NDRG3: variants seen among roughly 807,000 people sequenced by gnomAD.
NDRG3 encodes the protein NDRG family member 3.
In NDRG3, 23 loss-of-function variants were observed where a neutral mutation model predicts 57.2. The observed-to-expected ratio is 0.40, with a 90% confidence interval of 0.29 to 0.57. NDRG3 has a LOEUF of 0.57. Among genes scored for constraint, NDRG3 ranks in the 20% least tolerant of loss-of-function variants. NDRG3 has a pLI of 0.42. For missense variants in NDRG3, 384 were observed against 457.3 expected (o/e 0.84, Z 1.46); for synonymous variants, 132 against 162.6 (o/e 0.81, Z 1.43).
intron 3 of NDRG3, among the ~76,000 whole-genome samples, chr20:36,690,541 C>T (rs1328430051): frequency 1.5e-5 from 1 of 66,026 alleles, no homozygotes; most frequent in African/African-American, 7.5e-5. Flanking sequence ...ATAGAGCAGA[C>T]AAAAGATGCA....
At chr20:36,665,377 A>G (rs1600860630) in intron 10 of NDRG3, 76 bp from the exon 11 acceptor site, 7 of 1,266,636 alleles carry the variant, frequency 5.5e-6, no homozygotes, top group East Asian at 2.3e-5. Flanking sequence ...GGTCATAAAC[A>G]CCAAAATTTA....
intron 1 of NDRG3, among the ~76,000 whole-genome samples, chr20:36,730,929 T>A (rs1413206205): frequency 7.3e-6 from 1 of 137,102 alleles, no homozygotes; most frequent in South Asian, 2.3e-4. Context: ...CAGAGGGAGA[T>A]GCTGTCTCGA....
intron 8 of NDRG3, among the ~76,000 whole-genome samples, chr20:36,675,816 G>A (rs1224963254): frequency 2.0e-5 from 3 of 151,984 alleles, no homozygotes; most frequent in South Asian, 2.1e-4. Context: ...ATAAACCACC[G>A]TGCCCAGCCA....
chr20:36,696,169 T>G (rs1982770708), intron 3 of NDRG3, among the ~76,000 whole-genome samples: 1 of 152,036 alleles, frequency 6.6e-6, no homozygotes, highest in South Asian at 2.1e-4. Context: ...TGATCTCGGC[T>G]CACTGCAACC....
chr20:36,703,237 G>A (rs1180516644), intron 3 of NDRG3, among the ~76,000 whole-genome samples: 1 of 151,762 alleles, frequency 6.6e-6, no homozygotes, highest in East Asian at 1.9e-4. Context: ...TACTACACGT[G>A]TATATATGTA....
intron 1 of NDRG3, among the ~76,000 whole-genome samples, chr20:36,725,017 C>T (rs1056758235): frequency 6.6e-6 from 1 of 152,020 alleles, no homozygotes; most frequent in Non-Finnish European, 1.5e-5. Flanking sequence ...GAAAATCGGC[C>T]GGGCGCAGTG....
chr20:36,653,242 TGGG>T lies in NDRG3; in HGVS notation c.*275_*277del, dbSNP rs1267085115. On this transcript the variant is annotated 3_prime_UTR_variant, in exon 16 of 16. Transcript: ENST00000349004. This position sits in a 1 kb window ranked among gnomAD's most constrained non-coding sequence, Gnocchi z 4.2. ...CAAAGAATCTTATCTGATACATAGT[TGGG>T]GGAGCACGGGAAAAAGCTGGCAAGA... is the stretch of plus-strand genomic sequence containing the variant. 1 of 328,020 alleles carries T rather than the reference TGGG, an allele frequency of 3.0e-6. No homozygotes were observed. The highest frequency in any genetic ancestry group is 4.6e-5 in the Admixed American group (1 of 21,940). 20.3% of individuals were successfully genotyped at this position (328,020 alleles called of 1,614,324 possible). A position where few individuals can be genotyped will look rare whatever the true frequency, so the allele number is the denominator to read the frequency against.
intron 1 of NDRG3, among the ~76,000 whole-genome samples, chr20:36,726,020 A>C (rs531253634): frequency 2.6e-5 from 4 of 151,470 alleles, no homozygotes; most frequent in Admixed American, 2.6e-4. Context: ...CCCAGCCTCA[A>C]GCAATCCTCC....
chr20:36,687,458 G>A, intron 5 of NDRG3, 34 bp downstream of exon 5: 1 of 1,607,580 alleles, frequency 6.2e-7, no homozygotes, highest in Non-Finnish European at 8.5e-7. Flanking sequence ...TCTACTGAGT[G>A]CACGTCTCCC....
At chr20:36,726,615 G>A (rs1183569655) in intron 1 of NDRG3, among the ~76,000 whole-genome samples, 1 of 152,196 alleles carries the variant, frequency 6.6e-6, no homozygotes, top group Non-Finnish European at 1.5e-5. Context: ...TCCGGCATCT[G>A]TACAAATGGT....
chr20:36,676,157 G>A (rs1233059644), intron 8 of NDRG3, among the ~76,000 whole-genome samples: 8 of 151,888 alleles, frequency 5.3e-5, no homozygotes, highest in Admixed American at 3.3e-4. Flanking sequence ...GGAGAATGGC[G>A]TGAACCCGGG....
chr20:36,681,669 C>T (rs1330568328), intron 7 of NDRG3, among the ~76,000 whole-genome samples: 1 of 151,044 alleles, frequency 6.6e-6, no homozygotes, highest in African/African-American at 2.4e-5. Context: ...ATAATAGGAG[C>T]TCTAGCTCTC....
intron 3 of NDRG3, among the ~76,000 whole-genome samples, chr20:36,694,138 G>C (rs372096786): frequency 6.6e-6 from 1 of 152,114 alleles, no homozygotes; most frequent in Non-Finnish European, 1.5e-5. Context: ...GGCTGAGGAC[G>C]AGGAGGAACA....
At chr20:36,671,583 A>C (rs113395072) in intron 8 of NDRG3, among the ~76,000 whole-genome samples, 186 bp from the exon 9 acceptor site, 1 of 152,142 alleles carries the variant, frequency 6.6e-6, no homozygotes, top group Non-Finnish European at 1.5e-5. Context: ...CGGGCAGATC[A>C]TGAGGTCAGG....
At chr20:36,713,561 C>T (rs1568661033) in intron 2 of NDRG3, among the ~76,000 whole-genome samples, 1 of 152,018 alleles carries the variant, frequency 6.6e-6, no homozygotes, top group Non-Finnish European at 1.5e-5. Context: ...ACAGAAGCAA[C>T]AGACATAATG....
intron 8 of NDRG3, among the ~76,000 whole-genome samples, chr20:36,679,027 C>T (rs529804149): frequency 3.3e-5 from 5 of 152,146 alleles, no homozygotes; most frequent in Admixed American, 6.5e-5. Flanking sequence ...CTTGGCTCAC[C>T]GCAACCTCCA....
rs774462877 is a variant in NDRG3, at chr20:36,739,909, CAAAAAAA to C, written c.-49+6129_-49+6135del. ...TGGGTGACAGAGCGAGACTCCGTCTCAAAAAAAAAAAAAAAAAAAAAAACCGTAAACC... is the reference window on the plus strand; with the variant it reads ...TGGGTGACAGAGCGAGACTCCGTCTCAAAAAAAAAAAAAAAACCGTAAACC... On this transcript the variant is annotated intron_variant, in intron 1 of 15. Transcript: ENST00000349004. Among the ~76,000 whole-genome samples the C allele has an allele frequency of 4.1e-4, 17 of 41,606 alleles. No homozygotes were observed. In the East Asian group the frequency reaches 0.012, roughly 29 times the overall value. The allele number at this position is 41,606 out of a possible 152,430, so 27.3% of individuals were successfully genotyped here. A position where few individuals can be genotyped will look rare whatever the true frequency, so the allele number is the denominator to read the frequency against.
At chr20:36,703,920 C>A (rs1395059132) in intron 3 of NDRG3, among the ~76,000 whole-genome samples, 1 of 152,012 alleles carries the variant, frequency 6.6e-6, no homozygotes, top group Non-Finnish European at 1.5e-5. Context: ...TTCATATCTA[C>A]AATTATATAT....
chr20:36,656,814 C>T (rs1978715652), intron 13 of NDRG3, among the ~76,000 whole-genome samples: 1 of 152,170 alleles, frequency 6.6e-6, no homozygotes, highest in Non-Finnish European at 1.5e-5. Context: ...CTACTCTCAA[C>T]CATGAAAACC....
Sources: allele counts gnomAD v4.1 joint callset (sites outside exome capture counted in the v4.1 genomes callset), GRCh38; gene constraint gnomAD v4.1.1; non-coding constraint Gnocchi (gnomAD v3.1); transcripts MANE v1.5; gene names NCBI Gene and HGNC (gene_info 2026-07-23, HGNC 2026-07-21).